ATP8A2: variants seen among roughly 807,000 people sequenced by gnomAD.
ATP8A2 encodes the protein ATPase phospholipid transporting 8A2.
ATP8A2 carries 100 observed loss-of-function variants against 165.6 expected under a neutral mutation model. The observed-to-expected ratio is 0.60, with a 90% CI of 0.51 to 0.71. The LOEUF (loss-of-function observed/expected upper bound fraction) is 0.71. ATP8A2 is among the 30% of genes least tolerant of loss of function. The pLI, the probability that ATP8A2 is intolerant of heterozygous loss-of-function variation, is 0.00. For synonymous variants in ATP8A2, 543 were observed against 548.8 expected, an observed-to-expected ratio of 0.99 and a Z score of 0.15; for missense variants, 1,227 against 1,479.5, an observed-to-expected ratio of 0.83 and a Z score of 2.80.
At chr13:25,609,802 T>C (rs545334691) in intron 24 of ATP8A2, among the ~76,000 whole-genome samples, 1 of 151,194 alleles carries the variant, frequency 6.6e-6, no homozygotes, top group Non-Finnish European at 1.5e-5. Flanking sequence ...TTTTTTTTAT[T>C]ATGGCCATTC....
intron 1 of ATP8A2, among the ~76,000 whole-genome samples, chr13:25,459,809 A>AG (rs2035458303): frequency 6.6e-6 from 1 of 152,126 alleles, no homozygotes; most frequent in Admixed American, 6.5e-5. Flanking sequence ...CAGGAGCAGC[A>AG]GGAGAGGGGT....
intron 24 of ATP8A2, among the ~76,000 whole-genome samples, chr13:25,600,707 T>C (rs1217292823): frequency 6.6e-6 from 1 of 152,170 alleles, no homozygotes; most frequent in Non-Finnish European, 1.5e-5. Flanking sequence ...CTCTCTCTCC[T>C]CTCTGTCTTC....
intron 2 of ATP8A2, among the ~76,000 whole-genome samples, chr13:25,503,054 G>A (rs1566191648): frequency 6.6e-6 from 1 of 152,154 alleles, no homozygotes; most frequent in East Asian, 1.9e-4. Context: ...GGGGCAGAAT[G>A]TCCAGGACTA....
intron 1 of ATP8A2, among the ~76,000 whole-genome samples, chr13:25,390,402 G>T (rs193300189): frequency 6.6e-6 from 1 of 152,136 alleles, no homozygotes; most frequent in South Asian, 2.1e-4. Flanking sequence ...GTATAATGTG[G>T]CTTGATGACT....
In ATP8A2 at chr13:25,696,119, T is replaced by C. The variant is rs184577907; in HGVS notation, c.2212-3054T>C. On this transcript the variant is annotated intron_variant, in intron 24 of 36. Transcript: ENST00000381655. ...ATCAACGATGTCTCTATCAGAGCTT[T>C]GGGTGGCCCAGTGCATTGTTAGTGA... Among the ~76,000 whole-genome samples the C allele has an allele frequency of 1.1e-3, 161 of 152,362 alleles. 2 individuals carry two copies. Among genetic ancestry groups the C allele is most frequent in the African/African-American group, 3.7e-3 (155 of 41,590 alleles).
chr13:25,544,217 A>G (rs10467672), intron 10 of ATP8A2, among the ~76,000 whole-genome samples: 4,114 of 152,360 alleles, frequency 0.027, 104 homozygotes, highest in African/African-American at 0.06. Context: ...GGAGTAATAT[A>G]GAATGACAAA....
intron 33 of ATP8A2, among the ~76,000 whole-genome samples, chr13:25,864,800 T>C (rs1952460523): frequency 6.6e-6 from 1 of 152,144 alleles, no homozygotes. Flanking sequence ...GACTTCCGAG[T>C]AGGTACTCTG....
chr13:25,798,710 A>G (rs1363913969), intron 27 of ATP8A2, among the ~76,000 whole-genome samples: 1 of 152,182 alleles, frequency 6.6e-6, no homozygotes, highest in African/African-American at 2.4e-5. Context: ...TGAGCTTTAG[A>G]TTCAAGCTCC....
At chr13:25,665,369 G>C (rs7320076) in intron 24 of ATP8A2, among the ~76,000 whole-genome samples, 10,328 of 152,188 alleles carry the variant, frequency 0.068, 955 homozygotes, top group East Asian at 0.24. Context: ...GAGGAGGGAG[G>C]CGTGCCTGAG....
chr13:25,950,353 TC>T (rs1403686365), intron 33 of ATP8A2, among the ~76,000 whole-genome samples: 2 of 152,066 alleles, frequency 1.3e-5, no homozygotes, highest in African/African-American at 4.8e-5. Flanking sequence ...AACATTTTGG[TC>T]TCTAAAATTG....
In ATP8A2 at chr13:25,544,807, G is replaced by T. The variant is rs140446754; in HGVS notation, c.891+1405G>T. ...CAGAAAGGAATGCCATGAGCCAGTT[G>T]TCAAGTCTTCTGTGAGTGACAGGGA... On this transcript the variant is annotated intron_variant, in intron 10 of 36. Transcript: ENST00000381655. Among the ~76,000 whole-genome samples the T allele has an allele frequency of 3.7e-3, 567 of 152,208 alleles. 1 individual carries two copies. The highest frequency in any genetic ancestry group is 6.7e-3 in the Non-Finnish European group (458 of 68,006).
chr13:25,835,970 C>G (rs1428647048), intron 28 of ATP8A2, among the ~76,000 whole-genome samples: 1 of 152,130 alleles, frequency 6.6e-6, no homozygotes, highest in Non-Finnish European at 1.5e-5. Context: ...ATGAGTGCTC[C>G]GATGAGCTGA....
intron 27 of ATP8A2, among the ~76,000 whole-genome samples, chr13:25,813,186 C>T (rs1950920580): frequency 6.6e-6 from 1 of 151,912 alleles, no homozygotes; most frequent in South Asian, 2.1e-4. Flanking sequence ...CAAACCTGCA[C>T]ATCCTGCGCA....
At chr13:25,668,017 T>C (rs1362022971) in intron 24 of ATP8A2, among the ~76,000 whole-genome samples, 2 of 152,196 alleles carry the variant, frequency 1.3e-5, no homozygotes, top group African/African-American at 2.4e-5. Context: ...AATATAGATT[T>C]ATAGTTATTG....
chr13:25,946,382 C>G (rs186737022), intron 33 of ATP8A2, among the ~76,000 whole-genome samples: 1 of 152,190 alleles, frequency 6.6e-6, no homozygotes, highest in Non-Finnish European at 1.5e-5. Context: ...CAACCTTGAG[C>G]CACAGCAGTG....
At chr13:25,435,930 T>TGTGTGC (rs1566131298) in intron 1 of ATP8A2, among the ~76,000 whole-genome samples, 1 of 27,104 alleles carries the variant, frequency 3.7e-5, no homozygotes, top group Non-Finnish European at 1.6e-4. Flanking sequence ...TGTGTGTGTG[T>TGTGTGC]GAGTGTGTGT....
intron 33 of ATP8A2, chr13:25,863,378 A>G (rs554443722): frequency 5.3e-5 from 8 of 152,268 alleles, no homozygotes; most frequent in East Asian, 3.9e-4. Context: ...TCCTCTCTCC[A>G]TATCTAGGCC....
Position 25,666,129 on chromosome 13 carries a change from C to T in ATP8A2, c.2212-33044C>T, listed in dbSNP as rs538559629. ...GTATAATTTAGGTATTTATACTCCCCGGGAAGGTGTTTCTTGGAACATTTT... is the reference window on the plus strand; with the variant it reads ...GTATAATTTAGGTATTTATACTCCCTGGGAAGGTGTTTCTTGGAACATTTT... On this transcript the variant is annotated intron_variant, in intron 24 of 36. Coordinates refer to ENST00000381655, the MANE Select transcript of ATP8A2 (RefSeq NM_016529.6). Among the ~76,000 whole-genome samples the T allele has an allele frequency of 1.6e-4, 25 of 151,892 alleles. No homozygotes were observed. In the East Asian group the frequency reaches 1.7e-3, roughly 11 times the overall value.
chr13:25,720,158 A>G lies in ATP8A2; in HGVS notation c.2384+20813A>G, dbSNP rs180952519. Among the ~76,000 whole-genome samples, 303 of 133,562 alleles carry G rather than the reference A, an allele frequency of 2.3e-3. 3 individuals are homozygous for G. Among genetic ancestry groups the G allele is most frequent in the African/African-American group, 8.9e-3 (279 of 31,420 alleles). The allele number at this position is 133,562 out of a possible 152,430, so 87.6% of individuals were successfully genotyped here. On this transcript the variant is annotated intron_variant, in intron 25 of 36. Coordinates refer to ENST00000381655, the MANE Select transcript of ATP8A2 (RefSeq NM_016529.6). ...TCTGCACATGACCTCCGATAAATGT[A>G]TACTTTTTCTTTTTTTTTTTTTTTT...
Sources: gnomAD v4.1 joint callset for allele counts (sites outside exome capture counted in the v4.1 genomes callset) on GRCh38, gnomAD v4.1.1 for gene constraint, MANE v1.5 for transcripts, NCBI Gene and HGNC (gene_info 2026-07-23, HGNC 2026-07-21) for gene names.